The following CELF1 variants were observed in gnomAD, a reference collection of about 807,000 sequenced individuals.
CELF1 encodes the protein 50 kDa nuclear polyadenylated RNA-binding protein.
CELF1 carries 10 observed loss-of-function variants against 61.8 expected under a neutral mutation model. The observed-to-expected ratio is 0.16, with a 90% confidence interval of 0.10 to 0.27. CELF1 has a LOEUF of 0.27. Among genes scored for constraint, CELF1 ranks in the 10% least tolerant of loss-of-function variants. The probability of loss-of-function intolerance (pLI) is 1.00; values close to 1 mark genes in which losing one functional copy is unlikely to be tolerated. For missense variants in CELF1, 380 were observed against 639.1 expected, an observed-to-expected ratio of 0.59 and a Z score of 4.37; for synonymous variants, 236 against 225.1, an observed-to-expected ratio of 1.05 and a Z score of -0.43.
chr11:47,545,589 G>A (rs1332407469), intron 1 of CELF1, among the ~76,000 whole-genome samples: 1 of 152,156 alleles, frequency 6.6e-6, no homozygotes, highest in African/African-American at 2.4e-5. Context: ...AACAAGGAGT[G>A]AATCTGAAGT....
intron 9 of CELF1, among the ~76,000 whole-genome samples, chr11:47,481,852 C>T (rs2083444335): frequency 6.6e-6 from 1 of 152,178 alleles, no homozygotes. Flanking sequence ...AGTCTATTTA[C>T]AATGTAGTAA....
chr11:47,494,688 A>G (rs575753248), intron 3 of CELF1, among the ~76,000 whole-genome samples: 41 of 152,258 alleles, frequency 2.7e-4, no homozygotes, highest in African/African-American at 9.4e-4. Flanking sequence ...TCTTAACCCA[A>G]TGGCAAGCTG....
At chr11:47,488,212 C>G (rs185701230) in intron 4 of CELF1, among the ~76,000 whole-genome samples, 1 of 152,154 alleles carries the variant, frequency 6.6e-6, no homozygotes, top group South Asian at 2.1e-4. Flanking sequence ...TGTGTATATA[C>G]GGGGCAAAGT....
At chr11:47,478,827 G>A (rs1164456465) in intron 10 of CELF1, 50 bp downstream of exon 10, 18 of 1,417,670 alleles carry the variant, frequency 1.3e-5, no homozygotes, top group Non-Finnish European at 1.6e-5. Flanking sequence ...TTGTTAGCTG[G>A]GTCTGCTGGC....
chr11:47,485,920 G>C (rs1192093123), intron 6 of CELF1, among the ~76,000 whole-genome samples: 1 of 147,932 alleles, frequency 6.8e-6, no homozygotes, highest in African/African-American at 2.5e-5. Flanking sequence ...CCAGCACTTT[G>C]GGAGGCCGAG....
At chr11:47,508,104 G>T (rs548530812) in intron 1 of CELF1, among the ~76,000 whole-genome samples, 1 of 152,272 alleles carries the variant, frequency 6.6e-6, no homozygotes, top group South Asian at 2.1e-4. Flanking sequence ...TTCTTGGTAG[G>T]TCTGTCTCTC....
chr11:47,484,595 A>C (rs2085474070), intron 6 of CELF1, 72 bp from the exon 7 acceptor site: 1 of 1,379,216 alleles, frequency 7.3e-7, no homozygotes, highest in East Asian at 2.3e-5. Context: ...TTTGGGAGCC[A>C]GACCGCCTGG....
chr11:47,514,302 G>A (rs2095423487), intron 1 of CELF1, among the ~76,000 whole-genome samples: 1 of 151,986 alleles, frequency 6.6e-6, no homozygotes, highest in African/African-American at 2.4e-5. Flanking sequence ...ACCTAACAAT[G>A]ATAAACATTT....
At chr11:47,545,897 G>GTGTGTATATATA (rs1555191617) in intron 1 of CELF1, among the ~76,000 whole-genome samples, 16 of 127,588 alleles carry the variant, frequency 1.3e-4, no homozygotes, top group Non-Finnish European at 2.1e-4. Context: ...GTGTGTGTGT[G>GTGTGTATATATA]TGTGTGTGTA....
intron 1 of CELF1, among the ~76,000 whole-genome samples, chr11:47,510,604 G>A (rs998693686): frequency 2.0e-5 from 3 of 151,740 alleles, no homozygotes; most frequent in African/African-American, 7.3e-5. Context: ...CTCCCACCAC[G>A]GCTTCCCAAG....
chr11:47,472,175 C>A lies in CELF1; in HGVS notation c.*55G>T, dbSNP rs570997512. The A allele has an allele frequency of 1.5e-4, 247 of 1,599,398 alleles. 1 individual carries two copies. Among genetic ancestry groups the A allele is most frequent in the Middle Eastern group, 1.1e-3 (5 of 4,558 alleles). On this transcript the variant is annotated 3_prime_UTR_variant, in exon 15 of 15. Transcript: ENST00000687097. ...TCAGGGCTTCGAATCATTAAGGGTG[C>A]TCCTCCCCCACTTACCAGAAGACCC...
intron 13 of CELF1, among the ~76,000 whole-genome samples, chr11:47,474,573 G>A (rs1250320556): frequency 6.6e-6 from 1 of 152,136 alleles, no homozygotes; most frequent in Admixed American, 6.5e-5. Context: ...ATTGGTTCAC[G>A]CTACATTCTC....
intron 1 of CELF1, among the ~76,000 whole-genome samples, chr11:47,539,985 T>A (rs1216980248): frequency 6.6e-6 from 1 of 152,204 alleles, no homozygotes; most frequent in African/African-American, 2.4e-5. Context: ...TCAGTTCTAA[T>A]CTCAAATTCC....
chr11:47,545,379 C>T (rs1232896560), intron 1 of CELF1, among the ~76,000 whole-genome samples: 1 of 151,974 alleles, frequency 6.6e-6, no homozygotes, highest in African/African-American at 2.4e-5. Context: ...TGCAGTGAGC[C>T]GAGATTGAAC....
intron 1 of CELF1, among the ~76,000 whole-genome samples, chr11:47,549,593 C>T (rs991060423): frequency 2.6e-5 from 4 of 152,070 alleles, no homozygotes; most frequent in Non-Finnish European, 4.4e-5. Flanking sequence ...TGGTATGATT[C>T]CACTTACATG....
At chr11:47,504,902 C>CAAAAAAAAAAAAAA (rs374401044) in intron 1 of CELF1, among the ~76,000 whole-genome samples, 1 of 107,932 alleles carries the variant, frequency 9.3e-6, no homozygotes, top group African/African-American at 3.6e-5. Context: ...ACTCTGTCAC[C>CAAAAAAAAAAAAAA]AAAAAAAAAA....
At chr11:47,555,278 C>T (rs1412899435), upstream of CELF1, among the ~76,000 whole-genome samples, 5 of 152,210 alleles carry the variant, frequency 3.3e-5, no homozygotes, top group Non-Finnish European at 5.9e-5. Flanking sequence ...TTCACAATAT[C>T]TGACTCAATA....
At chr11:47,510,992 G>C (rs2153601807) in intron 1 of CELF1, among the ~76,000 whole-genome samples, 1 of 151,882 alleles carries the variant, frequency 6.6e-6, no homozygotes, top group South Asian at 2.1e-4. Flanking sequence ...GACCAGCCTG[G>C]GCAACATCAT....
intron 1 of CELF1, among the ~76,000 whole-genome samples, chr11:47,535,831 C>T (rs1392988118): frequency 3.3e-5 from 5 of 151,480 alleles, no homozygotes; most frequent in South Asian, 2.1e-4. Context: ...GGTGCAATCT[C>T]GGCTCACTGC....
Sources: gnomAD v4.1 joint callset for allele counts (sites outside exome capture counted in the v4.1 genomes callset) on GRCh38, gnomAD v4.1.1 for gene constraint, MANE v1.5 for transcripts, NCBI Gene and HGNC (gene_info 2026-07-23, HGNC 2026-07-21) for gene names.